Variants in RPS3 observed in about 807,000 individuals in gnomAD.
RPS3 encodes the protein ribosomal protein S3.
Under a neutral mutation model 25.8 loss-of-function variants are expected in RPS3, and 2 were observed. The observed-to-expected ratio is 0.08, with a 90% CI of 0.03 to 0.24. The LOEUF is 0.24. RPS3 is among the 10% of genes least tolerant of loss of function. RPS3 has a pLI of 1.00. For synonymous variants in RPS3, 114 were observed against 114.2 expected, an observed-to-expected ratio of 1.00 and a Z score of 0.01; for missense variants, 107 against 307.1, an observed-to-expected ratio of 0.35 and a Z score of 4.87.
At chr11:75,401,939 A>C (rs1157204236) in intron 3 of RPS3, 6 of 577,962 alleles carry the variant, frequency 1.0e-5, no homozygotes, top group Non-Finnish European at 1.8e-5. Flanking sequence ...ACTTGGGTAT[A>C]GAAATGATGC....
chr11:75,414,225 A>G (rs1279355504), intron 6 of RPS3, among the ~76,000 whole-genome samples: 1 of 152,172 alleles, frequency 6.6e-6, no homozygotes, highest in African/African-American at 2.4e-5. Context: ...GGCCAAAACC[A>G]TGTTGTGAAA....
intron 1 of RPS3, 189 bp downstream of exon 1, chr11:75,399,766 C>T (rs568243099): frequency 1.7e-6 from 1 of 588,746 alleles, no homozygotes; most frequent in Non-Finnish European, 3.0e-6. Context: ...GCTGTGTGGC[C>T]GGGTTCCAAG....
chr11:75,404,457 C>T lies in RPS3; in HGVS notation c.539-215C>T, dbSNP rs747759002. 4 of 790,544 alleles carry T rather than the reference C, an allele frequency of 5.1e-6. No individual in the cohort carries two copies. Among genetic ancestry groups the T allele is most frequent in the South Asian group, 4.0e-5 (3 of 74,156 alleles). 49.0% of individuals were successfully genotyped at this position (790,544 alleles called of 1,614,324 possible). The stretch of plus-strand genomic sequence containing the variant: ...ACACGATGACGAGTCAGAAAGGTCA[C>T]GTCCTGCTCTTGGTCCTTGTCAGTG... On this transcript the variant is annotated intron_variant, in intron 5 of 6. Coordinates refer to ENST00000531188, the MANE Select transcript of RPS3 (RefSeq NM_001005.5). The surrounding 1 kb of genome is among the most constrained non-coding windows in gnomAD (Gnocchi z 4.6).
chr11:75,415,767 C>T (rs985841099), intron 6 of RPS3, among the ~76,000 whole-genome samples: 4 of 147,618 alleles, frequency 2.7e-5, no homozygotes, highest in African/African-American at 1.0e-4. Flanking sequence ...TATCGTGCCA[C>T]TGCACTCCAG....
At chr11:75,410,637 C>T (rs61896042), downstream of RPS3, among the ~76,000 whole-genome samples, 189 of 146,332 alleles carry the variant, frequency 1.3e-3, no homozygotes, top group East Asian at 0.01. Context: ...CCAAGGCAGG[C>T]GGCTGGGAGG....
intron 6 of RPS3, among the ~76,000 whole-genome samples, chr11:75,416,127 G>A (rs755481488): frequency 2.0e-5 from 3 of 152,210 alleles, no homozygotes; most frequent in African/African-American, 7.2e-5. Context: ...AGCAGTATGA[G>A]CGCAAGCACA....
intron 6 of RPS3, among the ~76,000 whole-genome samples, chr11:75,417,950 G>C (rs939570904): frequency 2.0e-5 from 3 of 152,230 alleles, no homozygotes; most frequent in Admixed American, 2.0e-4. Flanking sequence ...AAATGACCAG[G>C]CTGCCCAGCC....
At chr11:75,409,222 GT>G (rs1438230385), downstream of RPS3, among the ~76,000 whole-genome samples, 3 of 146,962 alleles carry the variant, frequency 2.0e-5, no homozygotes, top group African/African-American at 7.5e-5. Context: ...ATTCTTGGGT[GT>G]TTCTCGCAGA....
chr11:75,400,848 C>A, intron 2 of RPS3, 24 bp downstream of exon 2: 3 of 1,605,644 alleles, frequency 1.9e-6, no homozygotes, highest in South Asian at 2.2e-5. Flanking sequence ...GACTGGCCAT[C>A]ACCTATAATT....
At position 75,406,478 on chromosome 11, in the gene RPS3, C is replaced by T. The variant is rs572683678; in HGVS notation, c.*868C>T. Reference sequence around the variant, plus strand: ...GGCTGATGAGATAACCCTGGCTCCACAGATGGCTTAGCAGGTGCTGTGATG... The same window carrying T: ...GGCTGATGAGATAACCCTGGCTCCATAGATGGCTTAGCAGGTGCTGTGATG... On this transcript the variant is annotated 3_prime_UTR_variant, in exon 7 of 7. Coordinates refer to ENST00000531188, the MANE Select transcript of RPS3 (RefSeq NM_001005.5). 2 of 152,340 alleles carry T rather than the reference C, an allele frequency of 1.3e-5. No individual in the cohort carries two copies. Among genetic ancestry groups the T allele is most frequent in the East Asian group, 3.9e-4 (2 of 5,190 alleles). The allele number at this position is 152,340 out of a possible 1,614,324, so 9.4% of individuals were successfully genotyped here. A position where few individuals can be genotyped will look rare whatever the true frequency, so the allele number is the denominator to read the frequency against.
chr11:75,399,846 T>G (rs534098294), intron 1 of RPS3: 1 of 547,004 alleles, frequency 1.8e-6, no homozygotes, highest in East Asian at 3.2e-5. Context: ...CATTTGTCGG[T>G]CAACGGAATT....
chr11:75,408,570 G>A (rs985722770), downstream of RPS3, among the ~76,000 whole-genome samples: 13 of 152,142 alleles, frequency 8.5e-5, no homozygotes, highest in Non-Finnish European at 1.8e-4. Context: ...TCTTTAGGAG[G>A]CTCAAGTGGG....
intron 6 of RPS3, among the ~76,000 whole-genome samples, chr11:75,415,754 C>T (rs528212047): frequency 3.4e-5 from 5 of 147,470 alleles, no homozygotes; most frequent in East Asian, 2.0e-4. Flanking sequence ...TGCGGTGAGC[C>T]GATATCGTGC....
chr11:75,399,545 A>C lies in RPS3; in HGVS notation c.-3A>C, dbSNP rs3133187. Reference sequence around the variant, plus strand: ...TTTCCTTTCAGCGGAGCGCGGCGGCAAGATGGCAGTGCAAATATCCAAGAA... The same window carrying C: ...TTTCCTTTCAGCGGAGCGCGGCGGCCAGATGGCAGTGCAAATATCCAAGAA... On this transcript the variant is annotated 5_prime_UTR_variant, in exon 1 of 7. Coordinates refer to ENST00000531188, the MANE Select transcript of RPS3 (RefSeq NM_001005.5). The C allele has an allele frequency of 7.1e-5, 114 of 1,613,720 alleles. 2 individuals carry two copies. Among genetic ancestry groups the C allele is most frequent in the Non-Finnish European group, 1.7e-6 (2 of 1,179,898 alleles).
chr11:75,401,740 G>C lies in RPS3; in HGVS notation c.255+7G>C, dbSNP rs749473074. Reference sequence around the variant, plus strand: ...TCCAGAGGGCAGTGTAGAGGTGAGTGATTCTGGCATATGCCAGAGGTAATG... The same window carrying C: ...TCCAGAGGGCAGTGTAGAGGTGAGTCATTCTGGCATATGCCAGAGGTAATG... On this transcript the variant is annotated splice_region_variant and intron_variant, in intron 3 of 6. Coordinates refer to ENST00000531188, the MANE Select transcript of RPS3 (RefSeq NM_001005.5). The C allele has an allele frequency of 3.3e-6, 5 of 1,530,178 alleles. No homozygotes were observed. Among genetic ancestry groups the C allele is most frequent in the Non-Finnish European group, 4.5e-6 (5 of 1,103,794 alleles). The allele number at this position is 1,530,178 out of a possible 1,614,324, so 94.8% of individuals were successfully genotyped here. A position where few individuals can be genotyped will look rare whatever the true frequency, so the allele number is the denominator to read the frequency against.
At chr11:75,400,951 C>T (rs1315170766) in intron 2 of RPS3, 127 bp downstream of exon 2, 8 of 1,296,872 alleles carry the variant, frequency 6.2e-6, no homozygotes, top group Admixed American at 5.9e-5. Context: ...GGCGCGATCT[C>T]GGCTCACTGC....
rs777256415 is a variant in RPS3, at chr11:75,404,003, CTT to C, written c.351-16_351-15del. ...TCCTTGGCAATAACACAGTGGCTCT[CTT>C]CTGTTCTTTTAAAGGGCCTGCTATG... On this transcript the variant is annotated splice_polypyrimidine_tract_variant and intron_variant, in intron 4 of 6. Transcript: ENST00000531188. The surrounding 1 kb of genome is among the most constrained non-coding windows in gnomAD (Gnocchi z 4.6). The C allele has an allele frequency of 1.9e-6, 3 of 1,609,734 alleles. No individual in the cohort carries two copies. Among genetic ancestry groups the C allele is most frequent in the Middle Eastern group, 2.2e-4 (1 of 4,484 alleles).
chr11:75,401,023 T>C (rs111591514), intron 2 of RPS3, among the ~76,000 whole-genome samples, 199 bp downstream of exon 2: 2 of 152,186 alleles, frequency 1.3e-5, no homozygotes, highest in African/African-American at 2.4e-5. Context: ...GCTGGGACTA[T>C]AGGCGCCCGC....
At chr11:75,408,904 CAG>C (rs1388484982), downstream of RPS3, among the ~76,000 whole-genome samples, 1 of 152,112 alleles carries the variant, frequency 6.6e-6, no homozygotes, top group African/African-American at 2.4e-5. Context: ...ACTTGGTAAC[CAG>C]AGTTTGAGAA....
Sources: gnomAD v4.1 joint callset for allele counts (sites outside exome capture counted in the v4.1 genomes callset) on GRCh38, gnomAD v4.1.1 for gene constraint, Gnocchi (gnomAD v3.1) non-coding constraint, MANE v1.5 for transcripts, NCBI Gene and HGNC (gene_info 2026-07-23, HGNC 2026-07-21) for gene names.